The following KLF13 variants were observed in gnomAD, a reference collection of about 807,000 sequenced individuals.
KLF13 encodes the protein KLF transcription factor 13.
Under a neutral mutation model 16.7 loss-of-function variants are expected in KLF13, and 8 were observed. That is an observed-to-expected ratio of 0.48 (90% confidence interval 0.28 to 0.87). The LOEUF (loss-of-function observed/expected upper bound fraction) is 0.87, where lower values mean the gene tolerates loss of function less well. Ranked by LOEUF, KLF13 falls within the 40% of genes least tolerant of loss-of-function variation. KLF13 has a pLI of 0.10. For missense variants in KLF13, 447 were observed against 452.2 expected, an observed-to-expected ratio of 0.99 and a Z score of 0.10; for synonymous variants, 245 against 208.4, an observed-to-expected ratio of 1.18 and a Z score of -1.51.
rs1251180179 is a variant in KLF13 at position 31,372,614 on chromosome 15, A to G, written c.*315A>G. ...TCCTGCCGCCTTACTCTGTACATAGATTTGCACTCTGGAGTTTTCTGTTAG... is the reference window on the plus strand; with the variant it reads ...TCCTGCCGCCTTACTCTGTACATAGGTTTGCACTCTGGAGTTTTCTGTTAG... On this transcript the variant is annotated 3_prime_UTR_variant, in exon 2 of 2. Coordinates refer to ENST00000307145, the MANE Select transcript of KLF13 (RefSeq NM_015995.4). 8.9e-6 allele frequency: 3 copies of G among 336,770 alleles called. No individual in the cohort carries two copies. Among genetic ancestry groups the G allele is most frequent in the Non-Finnish European group, 1.6e-5 (3 of 186,732 alleles). The allele number at this position is 336,770 out of a possible 1,614,324, so 20.9% of individuals were successfully genotyped here. A position where few individuals can be genotyped will look rare whatever the true frequency, so the allele number is the denominator to read the frequency against.
chr15:31,403,537 CCTT>C (rs1256805652), exon 3 of KLF13: 3 of 152,244 alleles, frequency 2.0e-5, no homozygotes, highest in African/African-American at 4.8e-5. Context: ...AGCCAATTCT[CCTT>C]CTTTCTCTTC....
upstream of KLF13, among the ~76,000 whole-genome samples, chr15:31,391,434 G>A (rs1235671687): frequency 7.2e-6 from 1 of 139,852 alleles, no homozygotes; most frequent in African/African-American, 2.6e-5. Context: ...CTGTTGGGGG[G>A]CTGTGCTCCA....
At chr15:31,333,601 A>ATT (rs1403756499) in intron 1 of KLF13, among the ~76,000 whole-genome samples, 5 of 151,304 alleles carry the variant, frequency 3.3e-5, no homozygotes, top group Non-Finnish European at 7.4e-5. Context: ...TTTTGTCTAT[A>ATT]TTTTTCTCCC....
At chr15:31,359,862 T>TGTGAAGCCTGGTTCCA (rs1420186543) in intron 1 of KLF13, among the ~76,000 whole-genome samples, 2 of 152,172 alleles carry the variant, frequency 1.3e-5, no homozygotes, top group African/African-American at 4.8e-5. Flanking sequence ...TCCAACAGAT[T>TGTGAAGCCTGGTTCCA]GTGAAGCCTG....
At chr15:31,361,404 T>C (rs973644390) in intron 1 of KLF13, among the ~76,000 whole-genome samples, 1 of 152,190 alleles carries the variant, frequency 6.6e-6, no homozygotes, top group African/African-American at 2.4e-5. Context: ...CTTTCCTGTC[T>C]TCCGGGTTGG....
intron 1 of KLF13, among the ~76,000 whole-genome samples, chr15:31,329,264 G>T (rs1467173684): frequency 2.6e-5 from 4 of 151,320 alleles, no homozygotes; most frequent in Non-Finnish European, 5.9e-5. Context: ...CTGCAGGGTG[G>T]GTGTGGCCCT....
downstream of KLF13, among the ~76,000 whole-genome samples, chr15:31,406,306 A>G (rs1364000746): frequency 1.3e-5 from 2 of 152,132 alleles, no homozygotes; most frequent in Non-Finnish European, 2.9e-5. Flanking sequence ...GCGAAACCCC[A>G]TCTCTACTAA....
intron 1 of KLF13, among the ~76,000 whole-genome samples, chr15:31,349,335 T>G (rs903844480): frequency 6.6e-6 from 1 of 152,188 alleles, no homozygotes; most frequent in Non-Finnish European, 1.5e-5. Context: ...CTGTGCAGAT[T>G]ATGACATGTT....
At chr15:31,356,149 G>C (rs181591010) in intron 1 of KLF13, among the ~76,000 whole-genome samples, 1 of 152,288 alleles carries the variant, frequency 6.6e-6, no homozygotes, top group Admixed American at 6.5e-5. Flanking sequence ...CATAGTACCC[G>C]ATAGGTAGTT....
downstream of KLF13, among the ~76,000 whole-genome samples, chr15:31,378,054 G>A (rs561591926): frequency 6.6e-6 from 1 of 152,252 alleles, no homozygotes; most frequent in East Asian, 1.9e-4. Context: ...AGGCTTTGCA[G>A]AAGAGCTCTT....
At chr15:31,381,053 T>A (rs929367256), downstream of KLF13, among the ~76,000 whole-genome samples, 6 of 151,510 alleles carry the variant, frequency 4.0e-5, no homozygotes, top group Non-Finnish European at 7.4e-5. Flanking sequence ...GTGCCTGTAA[T>A]CCCAGCTACT....
intron 1 of KLF13, among the ~76,000 whole-genome samples, chr15:31,349,010 C>T (rs1308410743): frequency 3.3e-5 from 5 of 152,122 alleles, no homozygotes; most frequent in Admixed American, 6.5e-5. Flanking sequence ...CTTCCAGAGG[C>T]CCCAATTCCT....
At chr15:31,370,647 G>C (rs1367740912) in intron 1 of KLF13, among the ~76,000 whole-genome samples, 2 of 152,064 alleles carry the variant, frequency 1.3e-5, no homozygotes, top group Admixed American at 1.3e-4. Context: ...TCAAACCCCT[G>C]ATCTCAAGTG....
At chr15:31,353,995 G>C (rs946931673) in intron 1 of KLF13, among the ~76,000 whole-genome samples, 2 of 152,214 alleles carry the variant, frequency 1.3e-5, no homozygotes, top group African/African-American at 4.8e-5. Context: ...TCAGACTCCA[G>C]GACCCAGGTT....
chr15:31,404,389 G>A (rs532531614), exon 3 of KLF13: 2 of 152,260 alleles, frequency 1.3e-5, no homozygotes, highest in Admixed American at 1.3e-4. Flanking sequence ...TCTTACAAAG[G>A]GATTGTAAAA....
chr15:31,421,682 A>C (rs1445235640), intron 1 of KLF13, among the ~76,000 whole-genome samples: 1 of 152,206 alleles, frequency 6.6e-6, no homozygotes, highest in Non-Finnish European at 1.5e-5. Context: ...TGTCACTAAA[A>C]AAAAATTAAC....
chr15:31,369,203 C>T (rs551695703), intron 1 of KLF13, among the ~76,000 whole-genome samples: 1 of 152,304 alleles, frequency 6.6e-6, no homozygotes, highest in East Asian at 1.9e-4. Flanking sequence ...TCCAACTTTT[C>T]CCTTAAATCC....
intron 1 of KLF13, among the ~76,000 whole-genome samples, chr15:31,328,759 T>C (rs954451485): frequency 1.3e-5 from 2 of 152,188 alleles, no homozygotes; most frequent in African/African-American, 4.8e-5. Flanking sequence ...TTTGTTTCGT[T>C]TTTAACATAA....
chr15:31,391,591 G>GC (rs888984206), upstream of KLF13, among the ~76,000 whole-genome samples: 21 of 151,952 alleles, frequency 1.4e-4, no homozygotes, highest in Non-Finnish European at 2.6e-4. Flanking sequence ...TTCTGGGATT[G>GC]CCCCCCACCC....
Sources: allele counts gnomAD v4.1 joint callset (sites outside exome capture counted in the v4.1 genomes callset), GRCh38; gene constraint gnomAD v4.1.1; transcripts MANE v1.5; gene names NCBI Gene and HGNC (gene_info 2026-07-23, HGNC 2026-07-21).